Variants in DLGAP2 observed in about 807,000 individuals in gnomAD.
DLGAP2 encodes the protein DLG associated protein 2, also known as disks large-associated protein 2.
Under a neutral mutation model 100.3 loss-of-function variants are expected in DLGAP2, and 26 were observed. The observed-to-expected ratio is 0.26, with a 90% CI of 0.19 to 0.36. The LOEUF is 0.36. Among genes scored for constraint, DLGAP2 ranks in the 10% least tolerant of loss-of-function variants. DLGAP2 has a pLI of 1.00. For synonymous variants in DLGAP2, 886 were observed against 630.1 expected (o/e 1.41, Z -6.08); for missense variants, 1,858 against 1,453.2 (o/e 1.28, Z -4.53).
At chr8:1,326,350 C>T (rs1016409535) in intron 3 of DLGAP2, among the ~76,000 whole-genome samples, 1 of 152,198 alleles carries the variant, frequency 6.6e-6, no homozygotes, top group Admixed American at 6.5e-5. Flanking sequence ...TAAAAAAGTA[C>T]TTTAATATCA....
intron 3 of DLGAP2, among the ~76,000 whole-genome samples, chr8:1,464,127 C>G (rs1798538788): frequency 2.7e-5 from 1 of 37,168 alleles, no homozygotes; most frequent in African/African-American, 1.2e-4. Context: ...TCCCCAAAGC[C>G]ACGTTCCAGG....
chr8:1,079,450 A>T (rs1256182093), intron 2 of DLGAP2, among the ~76,000 whole-genome samples: 2 of 152,204 alleles, frequency 1.3e-5, no homozygotes, highest in East Asian at 1.9e-4. Context: ...AAAAAATTAA[A>T]GTCAGATTAG....
At chr8:902,984 G>GC (rs1798292371) in intron 1 of DLGAP2, among the ~76,000 whole-genome samples, 1 of 55,750 alleles carries the variant, frequency 1.8e-5, no homozygotes, top group Non-Finnish European at 3.9e-5. Context: ...GTGGGTGGGG[G>GC]CGGGGGGGCG....
intron 3 of DLGAP2, among the ~76,000 whole-genome samples, chr8:1,454,286 C>G (rs887164907): frequency 3.9e-5 from 6 of 152,162 alleles, no homozygotes; most frequent in African/African-American, 1.4e-4. Flanking sequence ...CCACTGCCAG[C>G]TTTCCCAGCT....
At chr8:1,320,198 G>A (rs7005483) in intron 3 of DLGAP2, among the ~76,000 whole-genome samples, 6 of 152,130 alleles carry the variant, frequency 3.9e-5, no homozygotes, top group East Asian at 1.9e-4. Flanking sequence ...CACTGTTTCC[G>A]GAAATGGGGA....
chr8:893,967 G>T (rs1356173769), intron 1 of DLGAP2, among the ~76,000 whole-genome samples: 1 of 152,198 alleles, frequency 6.6e-6, no homozygotes, highest in Non-Finnish European at 1.5e-5. Flanking sequence ...TTCTCTCCTT[G>T]GCTGTCGGCC....
At chr8:1,302,762 C>A (rs1163039965) in intron 3 of DLGAP2, among the ~76,000 whole-genome samples, 1 of 152,270 alleles carries the variant, frequency 6.6e-6, no homozygotes, top group African/African-American at 2.4e-5. Context: ...CTTGCCCCGC[C>A]TGGGGACCAT....
chr8:830,368 C>T (rs1796758960), intron 1 of DLGAP2, among the ~76,000 whole-genome samples: 1 of 152,094 alleles, frequency 6.6e-6, no homozygotes, highest in South Asian at 2.1e-4. Flanking sequence ...ATAGTCACTC[C>T]TGTTATGCTG....
At chr8:1,409,026 T>A (rs1266563290) in intron 3 of DLGAP2, among the ~76,000 whole-genome samples, 1 of 152,234 alleles carries the variant, frequency 6.6e-6, no homozygotes, top group Non-Finnish European at 1.5e-5. Context: ...ACAGCAGCAT[T>A]GCCTCAGTTC....
At chr8:808,639 C>T (rs573154574) in intron 1 of DLGAP2, among the ~76,000 whole-genome samples, 8 of 152,216 alleles carry the variant, frequency 5.3e-5, no homozygotes, top group South Asian at 2.1e-4. Flanking sequence ...GGCCGCTGTC[C>T]GAGCTCCTGC....
intron 4 of DLGAP2, among the ~76,000 whole-genome samples, chr8:1,514,181 A>G (rs1800277905): frequency 6.6e-6 from 1 of 152,258 alleles, no homozygotes; most frequent in African/African-American, 2.4e-5. Context: ...CAGTGACGGG[A>G]AAGAGGAATT....
At chr8:1,080,580 G>T (rs1471963032) in intron 2 of DLGAP2, among the ~76,000 whole-genome samples, 2 of 152,162 alleles carry the variant, frequency 1.3e-5, no homozygotes, top group Non-Finnish European at 2.9e-5. Context: ...AAGCTGCAGG[G>T]ACACAGAGCT....
intron 3 of DLGAP2, among the ~76,000 whole-genome samples, chr8:1,389,490 G>A (rs569518365): frequency 5.3e-5 from 8 of 152,124 alleles, no homozygotes; most frequent in Non-Finnish European, 8.8e-5. Flanking sequence ...GAGGGACCCC[G>A]CTAAGGGCAC....
rs145139170 is a variant in DLGAP2, at chr8:1,547,961, A to G, written c.173-665A>G. On this transcript the variant is annotated intron_variant, in intron 4 of 14. Coordinates refer to ENST00000637795, the MANE Select transcript of DLGAP2 (RefSeq NM_001346810.2). Reference sequence around the variant, plus strand: ...TATCACCCATCAAGTACCAGATGCTATTTTTAAAACTTCTTAAGCTGTACG... The same window carrying G: ...TATCACCCATCAAGTACCAGATGCTGTTTTTAAAACTTCTTAAGCTGTACG... Among the ~76,000 whole-genome samples, 224 of 152,338 alleles carry G rather than the reference A, an allele frequency of 1.5e-3. 3 individuals carry two copies. Among genetic ancestry groups the G allele is most frequent in the Non-Finnish European group, 1.8e-3 (123 of 68,026 alleles).
intron 2 of DLGAP2, among the ~76,000 whole-genome samples, chr8:1,191,506 T>C (rs796730674): frequency 2.0e-5 from 3 of 152,308 alleles, no homozygotes; most frequent in African/African-American, 7.2e-5. Context: ...TACAATCCTG[T>C]CTAAAGTACT....
At chr8:1,290,514 G>T (rs1359750376) in intron 3 of DLGAP2, among the ~76,000 whole-genome samples, 1 of 152,176 alleles carries the variant, frequency 6.6e-6, no homozygotes, top group Non-Finnish European at 1.5e-5. Flanking sequence ...CCTTTATAAT[G>T]AAGGGATCAA....
At chr8:1,467,538 G>C (rs1324266404) in intron 3 of DLGAP2, among the ~76,000 whole-genome samples, 3 of 152,190 alleles carry the variant, frequency 2.0e-5, no homozygotes, top group African/African-American at 7.2e-5. Flanking sequence ...CCCAGCACAA[G>C]CTGGCGTTTG....
chr8:879,380 A>G (rs1385698034), intron 1 of DLGAP2, among the ~76,000 whole-genome samples: 3 of 152,208 alleles, frequency 2.0e-5, no homozygotes, highest in Non-Finnish European at 4.4e-5. Flanking sequence ...ACTTGAAGAT[A>G]GAGGTCCTTT....
intron 2 of DLGAP2, among the ~76,000 whole-genome samples, chr8:964,930 G>A (rs751105714): frequency 3.3e-5 from 5 of 152,094 alleles, no homozygotes; most frequent in Non-Finnish European, 7.4e-5. Flanking sequence ...ACGTTCACAC[G>A]GCACTGTCGC....
Sources: gnomAD v4.1 joint callset for allele counts (sites outside exome capture counted in the v4.1 genomes callset) on GRCh38, gnomAD v4.1.1 for gene constraint, MANE v1.5 for transcripts, NCBI Gene and HGNC (gene_info 2026-07-23, HGNC 2026-07-21) for gene names.